The following C8orf34 variants were observed in gnomAD, a reference collection of about 807,000 sequenced individuals.
C8orf34 encodes the protein chromosome 8 open reading frame 34.
C8orf34 carries 65 observed loss-of-function variants against 68.3 expected under a neutral mutation model. The observed-to-expected ratio is 0.95, with a 90% CI of 0.78 to 1.17. The LOEUF (loss-of-function observed/expected upper bound fraction) is 1.17. Ranked by LOEUF, C8orf34 falls within the 50% of genes most tolerant of loss-of-function variation. The pLI is 0.00. For missense variants in C8orf34, 664 were observed against 655.4 expected (o/e 1.01, Z -0.14); for synonymous variants, 244 against 241.2 (o/e 1.01, Z -0.11).
At chr8:68,417,111 A>G (rs1809706480) in intron 1 of C8orf34, among the ~76,000 whole-genome samples, 3 of 152,130 alleles carry the variant, frequency 2.0e-5, no homozygotes, top group Non-Finnish European at 4.4e-5. Context: ...ATACCTTGCA[A>G]TTCATAACAT....
chr8:68,541,973 A>G (rs1268487482), intron 7 of C8orf34, among the ~76,000 whole-genome samples: 3 of 152,204 alleles, frequency 2.0e-5, no homozygotes, highest in Non-Finnish European at 4.4e-5. Context: ...CTGGTTTTCT[A>G]TTATATGTAT....
At chr8:68,549,974 C>T (rs1226348184) in intron 7 of C8orf34, among the ~76,000 whole-genome samples, 1 of 151,696 alleles carries the variant, frequency 6.6e-6, no homozygotes, top group Non-Finnish European at 1.5e-5. Flanking sequence ...TTAATTTAGT[C>T]TTTATACATG....
At chr8:68,660,596 A>G (rs1819642681) in intron 8 of C8orf34, among the ~76,000 whole-genome samples, 1 of 152,170 alleles carries the variant, frequency 6.6e-6, no homozygotes, top group South Asian at 2.1e-4. Context: ...AGTCATGCTC[A>G]CCTGTGCTGT....
intron 5 of C8orf34, among the ~76,000 whole-genome samples, chr8:68,492,492 G>A (rs1327190117): frequency 1.3e-5 from 2 of 151,870 alleles, no homozygotes; most frequent in African/African-American, 2.4e-5. Flanking sequence ...GCCTCCCAAG[G>A]GATTTTGTGC....
intron 7 of C8orf34, among the ~76,000 whole-genome samples, chr8:68,605,505 A>C (rs971891781): frequency 3.6e-5 from 5 of 139,358 alleles, no homozygotes; most frequent in Non-Finnish European, 7.5e-5. Flanking sequence ...TGGTGCAGCC[A>C]TGAAACTGAG....
At chr8:68,341,349 T>C (rs573692210) in intron 1 of C8orf34, among the ~76,000 whole-genome samples, 5 of 152,312 alleles carry the variant, frequency 3.3e-5, no homozygotes, top group South Asian at 2.1e-4. Context: ...TGGATATCCA[T>C]TGGCAGAAAA....
intron 7 of C8orf34, among the ~76,000 whole-genome samples, chr8:68,594,203 T>A (rs749269370): frequency 6.6e-6 from 1 of 151,962 alleles, no homozygotes; most frequent in Non-Finnish European, 1.5e-5. Flanking sequence ...ATAGTAAAGG[T>A]GTTCTCAAAT....
intron 8 of C8orf34, among the ~76,000 whole-genome samples, chr8:68,693,301 G>A (rs1217419592): frequency 6.6e-6 from 1 of 152,074 alleles, no homozygotes; most frequent in African/African-American, 2.4e-5. Flanking sequence ...GAAGACTTCT[G>A]TTGGTAGGGC....
intron 8 of C8orf34, among the ~76,000 whole-genome samples, chr8:68,662,400 C>T (rs189677676): frequency 3.5e-4 from 53 of 152,222 alleles, no homozygotes; most frequent in South Asian, 1.0e-3. Flanking sequence ...GTGTCCTCAT[C>T]GAAATCTCAC....
intron 10 of C8orf34, among the ~76,000 whole-genome samples, chr8:68,774,977 C>T (rs1387326581): frequency 2.4e-5 from 2 of 82,378 alleles, no homozygotes; most frequent in Admixed American, 1.1e-4. Flanking sequence ...ATTAGCTGGG[C>T]GGGGTGGCAC....
At chr8:68,455,291 T>A (rs369532960) in intron 3 of C8orf34, among the ~76,000 whole-genome samples, 1 of 152,174 alleles carries the variant, frequency 6.6e-6, no homozygotes, top group Admixed American at 6.5e-5. Context: ...CTTCATGTCT[T>A]TATTGGTCTT....
intron 12 of C8orf34, among the ~76,000 whole-genome samples, chr8:68,794,945 G>T (rs1824133527): frequency 6.6e-6 from 1 of 152,068 alleles, no homozygotes; most frequent in Non-Finnish European, 1.5e-5. Flanking sequence ...TTTTGGATAA[G>T]GGATACTCTG....
chr8:68,469,637 T>C (rs1362468542), intron 4 of C8orf34, among the ~76,000 whole-genome samples: 1 of 152,020 alleles, frequency 6.6e-6, no homozygotes, highest in Admixed American at 6.6e-5. Flanking sequence ...CTTAAGTTTT[T>C]CTCAATTTTA....
chr8:68,639,700 A>G (rs1818948181), intron 7 of C8orf34, among the ~76,000 whole-genome samples: 1 of 152,194 alleles, frequency 6.6e-6, no homozygotes, highest in South Asian at 2.1e-4. Flanking sequence ...ATATTGTAAC[A>G]GAGCTGAATC....
chr8:68,817,147 T>C (rs375165384), intron 13 of C8orf34, among the ~76,000 whole-genome samples: 1 of 152,078 alleles, frequency 6.6e-6, no homozygotes, highest in East Asian at 1.9e-4. Flanking sequence ...CTATCATAGG[T>C]TTTCTTATCA....
chr8:68,702,130 G>T (rs1376067447), intron 8 of C8orf34, among the ~76,000 whole-genome samples: 1 of 151,988 alleles, frequency 6.6e-6, no homozygotes, highest in East Asian at 1.9e-4. Context: ...TCGGCATAAT[G>T]TAATCTCCAT....
chr8:68,484,743 TC>T (rs941948727), intron 4 of C8orf34, among the ~76,000 whole-genome samples: 1 of 152,184 alleles, frequency 6.6e-6, no homozygotes, highest in African/African-American at 2.4e-5. Flanking sequence ...GTGAAGCGTT[TC>T]ATTAAAATTC....
intron 10 of C8orf34, among the ~76,000 whole-genome samples, chr8:68,773,679 C>A (rs1434659838): frequency 6.6e-6 from 1 of 152,152 alleles, no homozygotes; most frequent in Non-Finnish European, 1.5e-5. Context: ...AGCCGCCACA[C>A]CGGCCCCTCC....
chr8:68,590,106 AAAAG>A (rs954622566), intron 7 of C8orf34, among the ~76,000 whole-genome samples: 16 of 150,962 alleles, frequency 1.1e-4, no homozygotes, highest in South Asian at 2.1e-4. Context: ...CGAAAGAAGA[AAAAG>A]AAAAGAGAAA....
Sources: gnomAD v4.1 joint callset for allele counts (sites outside exome capture counted in the v4.1 genomes callset) on GRCh38, gnomAD v4.1.1 for gene constraint, MANE v1.5 for transcripts, NCBI Gene and HGNC (gene_info 2026-07-23, HGNC 2026-07-21) for gene names.